CDH18: variants seen among roughly 807,000 people sequenced by gnomAD.
CDH18 encodes cadherin 18.
A neutral mutation model predicts 67.9 loss-of-function variants in CDH18; 31 were observed. That is an observed-to-expected ratio of 0.46 (90% CI 0.34 to 0.62). The LOEUF (loss-of-function observed/expected upper bound fraction) is 0.62. Among genes scored for constraint, CDH18 ranks in the 20% least tolerant of loss-of-function variants. CDH18 has a pLI of 0.01. For synonymous variants in CDH18, 362 were observed against 347.2 expected (o/e 1.04, Z -0.48); for missense variants, 890 against 975.5 (o/e 0.91, Z 1.17).
intron 1 of CDH18, among the ~76,000 whole-genome samples, chr5:20,451,051 G>A (rs1217978613): frequency 6.6e-6 from 1 of 152,180 alleles, no homozygotes; most frequent in African/African-American, 2.4e-5. Flanking sequence ...TCCCTCCAAT[G>A]ACGTGAGAAT....
At chr5:20,215,331 C>T (rs1224650412) in intron 2 of CDH18, among the ~76,000 whole-genome samples, 7 of 151,608 alleles carry the variant, frequency 4.6e-5, no homozygotes, top group Non-Finnish European at 8.8e-5. Context: ...TCTGTCTACA[C>T]GGACATAAAG....
intron 2 of CDH18, among the ~76,000 whole-genome samples, chr5:20,243,021 C>A (rs921197492): frequency 1.3e-5 from 2 of 152,122 alleles, no homozygotes; most frequent in African/African-American, 4.8e-5. Context: ...TTGTTGCTCA[C>A]ATGAAAGTAT....
intron 2 of CDH18, among the ~76,000 whole-genome samples, chr5:20,053,270 G>A (rs962414912): frequency 6.6e-6 from 1 of 150,486 alleles, no homozygotes; most frequent in African/African-American, 2.4e-5. Context: ...TATACATATA[G>A]TATAGATATA....
chr5:19,776,222 T>C (rs1774354711), intron 3 of CDH18, among the ~76,000 whole-genome samples: 1 of 152,168 alleles, frequency 6.6e-6, no homozygotes, highest in South Asian at 2.1e-4. Context: ...TTAAACATTA[T>C]GGTCATAATT....
chr5:20,305,543 G>C, intron 1 of CDH18: 1 of 774,616 alleles, frequency 1.3e-6, no homozygotes, highest in South Asian at 1.4e-5. Context: ...CGAGCGGCTG[G>C]TGGTCGCGGG....
intron 3 of CDH18, among the ~76,000 whole-genome samples, chr5:19,811,100 AAG>A (rs1389110916): frequency 3.1e-5 from 2 of 64,878 alleles, no homozygotes; most frequent in African/African-American, 1.3e-4. Context: ...GAAAGAAAGA[AAG>A]AAAGAAAGAA....
At chr5:20,456,239 G>A (rs1035712149) in intron 1 of CDH18, among the ~76,000 whole-genome samples, 1 of 152,124 alleles carries the variant, frequency 6.6e-6, no homozygotes, top group Non-Finnish European at 1.5e-5. Context: ...ATTCCATATA[G>A]TTTTTAATGA....
chr5:20,166,453 AAGAAAAGAAAAGAAAAGAAAAAGAC>A (rs1181908028), intron 2 of CDH18, among the ~76,000 whole-genome samples: 3 of 112,476 alleles, frequency 2.7e-5, no homozygotes, highest in Admixed American at 1.2e-4. Flanking sequence ...AAAAAAAAAA[AAGAAAAGAAAAGAAAAGAAAAAGAC>A]AAAAGAAAAG....
chr5:20,228,977 C>T (rs1741854497), intron 2 of CDH18, among the ~76,000 whole-genome samples: 1 of 151,952 alleles, frequency 6.6e-6, no homozygotes, highest in Non-Finnish European at 1.5e-5. Flanking sequence ...TATGTTAAGT[C>T]ATTTCATATT....
intron 5 of CDH18, among the ~76,000 whole-genome samples, chr5:19,657,030 T>A (rs1353843867): frequency 4.6e-5 from 7 of 152,078 alleles, no homozygotes; most frequent in African/African-American, 1.7e-4. Context: ...TTGGTGAAAA[T>A]AATATTAGTC....
chr5:20,333,800 A>G (rs1297912895), intron 1 of CDH18, among the ~76,000 whole-genome samples: 1 of 152,132 alleles, frequency 6.6e-6, no homozygotes, highest in Non-Finnish European at 1.5e-5. Context: ...TTTCTAGCCC[A>G]GCAGCATCTT....
At chr5:20,460,190 C>A (rs1055454042) in intron 1 of CDH18, among the ~76,000 whole-genome samples, 1 of 151,870 alleles carries the variant, frequency 6.6e-6, no homozygotes, top group African/African-American at 2.4e-5. Context: ...GTCAAGAGAT[C>A]GAGACCATCC....
At chr5:20,028,688 G>A (rs189797586) in intron 2 of CDH18, among the ~76,000 whole-genome samples, 60 of 152,204 alleles carry the variant, frequency 3.9e-4, no homozygotes, top group African/African-American at 4.8e-4. Flanking sequence ...CAAATACAGC[G>A]TGGATAAGCT....
In CDH18 at chr5:20,232,894, T is replaced by C. The variant is rs547959100; in HGVS notation, c.-518+22550A>G. Among the ~76,000 whole-genome samples, 7 of 152,142 alleles carry C rather than the reference T, an allele frequency of 4.6e-5. No individual in the cohort carries two copies. The East Asian group carries it at 1.4e-3, about 29-fold the overall frequency. ...TTTGACTTTGAGAAAGAGTATTCCA[T>C]TTTAGTTCCCAAGGGCTATTTTACA... On this transcript the variant is annotated intron_variant, in intron 2 of 14. Transcript: ENST00000507958.
At chr5:20,280,640 C>T (rs1197513969) in intron 1 of CDH18, among the ~76,000 whole-genome samples, 3 of 152,186 alleles carry the variant, frequency 2.0e-5, no homozygotes, top group African/African-American at 4.8e-5. Context: ...CAAGTCTTTG[C>T]TATTGTGAAT....
intron 1 of CDH18, among the ~76,000 whole-genome samples, chr5:20,358,384 A>C (rs1172096008): frequency 6.6e-6 from 1 of 152,230 alleles, no homozygotes; most frequent in African/African-American, 2.4e-5. Context: ...GTTTGACATA[A>C]GAATATAGAT....
intron 9 of CDH18, among the ~76,000 whole-genome samples, chr5:19,526,121 G>A (rs1222824786): frequency 6.6e-6 from 1 of 152,050 alleles, no homozygotes; most frequent in African/African-American, 2.4e-5. Context: ...TATAATAAGA[G>A]TTATTTAACT....
At chr5:20,399,790 T>A (rs2150127531) in intron 1 of CDH18, among the ~76,000 whole-genome samples, 1 of 152,316 alleles carries the variant, frequency 6.6e-6, no homozygotes, top group Admixed American at 6.5e-5. Context: ...TCCTTTCAAA[T>A]AGCTCATCAG....
chr5:19,517,986 T>C (rs1746302327), intron 10 of CDH18, among the ~76,000 whole-genome samples: 1 of 151,984 alleles, frequency 6.6e-6, no homozygotes, highest in African/African-American at 2.4e-5. Flanking sequence ...TCCATTAGAA[T>C]GTTTAATATT....
Sources: gnomAD v4.1 joint callset for allele counts (sites outside exome capture counted in the v4.1 genomes callset) on GRCh38, gnomAD v4.1.1 for gene constraint, MANE v1.5 for transcripts, NCBI Gene and HGNC (gene_info 2026-07-23, HGNC 2026-07-21) for gene names.